Variants in YEATS4 observed in about 807,000 individuals in gnomAD.
YEATS4 encodes YEATS domain containing 4.
A neutral mutation model predicts 30.1 loss-of-function variants in YEATS4; 17 were observed. That is an observed-to-expected ratio of 0.56 (90% CI 0.39 to 0.85). YEATS4 has a LOEUF of 0.85. Ranked by LOEUF, YEATS4 falls within the 40% of genes least tolerant of loss-of-function variation. The pLI, the probability that YEATS4 is intolerant of heterozygous loss-of-function variation, is 0.00. For missense variants in YEATS4, 142 were observed against 268.3 expected (o/e 0.53, Z 3.29); for synonymous variants, 85 against 87.5 (o/e 0.97, Z 0.16).
chr12:69,369,803 T>A (rs1008077649), intron 4 of YEATS4, among the ~76,000 whole-genome samples: 2 of 152,222 alleles, frequency 1.3e-5, no homozygotes, highest in African/African-American at 4.8e-5. Flanking sequence ...TCTTAGTGCA[T>A]CATCTTGAGC....
At chr12:69,385,806 C>A (rs1276963335) in intron 6 of YEATS4, among the ~76,000 whole-genome samples, 2 of 152,196 alleles carry the variant, frequency 1.3e-5, no homozygotes, top group African/African-American at 4.8e-5. Flanking sequence ...CAAGCACTTT[C>A]CATTTCTTAA....
the YEATS4 span, among the ~76,000 whole-genome samples, chr12:69,400,284 G>A: frequency 6.6e-6 from 1 of 152,096 alleles, no homozygotes; most frequent in Non-Finnish European, 1.5e-5. Flanking sequence ...AAGTCATAGA[G>A]CTGAGACACA....
the YEATS4 span, among the ~76,000 whole-genome samples, chr12:69,420,561 C>T: frequency 6.6e-6 from 1 of 152,002 alleles, no homozygotes; most frequent in Non-Finnish European, 1.5e-5. Flanking sequence ...AATTTGGCAG[C>T]TCTTGACAAA....
chr12:69,372,899 T>C (rs1181762391), intron 6 of YEATS4, among the ~76,000 whole-genome samples: 2 of 152,186 alleles, frequency 1.3e-5, no homozygotes, highest in African/African-American at 4.8e-5. Context: ...TATCTTTCTG[T>C]GCCTGGCTTA....
intron 4 of YEATS4, among the ~76,000 whole-genome samples, chr12:69,369,102 CA>C (rs1463705369): frequency 6.6e-6 from 1 of 152,126 alleles, no homozygotes; most frequent in Non-Finnish European, 1.5e-5. Flanking sequence ...CAATTCAGCC[CA>C]TAACATCTTT....
intron 6 of YEATS4, 61 bp from the exon 7 acceptor site, chr12:69,390,086 C>T: frequency 7.5e-7 from 1 of 1,327,052 alleles, no homozygotes; most frequent in South Asian, 1.5e-5. Flanking sequence ...TATTTATTAC[C>T]CTGTCATATA....
chr12:69,381,379 C>T (rs1047194378), intron 6 of YEATS4, among the ~76,000 whole-genome samples: 3 of 152,216 alleles, frequency 2.0e-5, no homozygotes, highest in Admixed American at 6.5e-5. Context: ...CTCTCTTGTT[C>T]CTTGAACCAA....
At position 69,362,702 on chromosome 12, in the gene YEATS4, C is replaced by T. The variant is rs1592846624; in HGVS notation, c.52-86C>T. The T allele has an allele frequency of 3.8e-6, 4 of 1,060,394 alleles. No individual in the cohort carries two copies. In the East Asian group the frequency reaches 1.2e-4, roughly 33 times the overall value. The allele number at this position is 1,060,394 out of a possible 1,614,324, so 65.7% of individuals were successfully genotyped here. A position where few individuals can be genotyped will look rare whatever the true frequency, so the allele number is the denominator to read the frequency against. On this transcript the variant is annotated intron_variant, in intron 1 of 6. Transcript: ENST00000247843. The stretch of plus-strand genomic sequence containing the variant: ...AACTATAGATTGTTAGCCTGCCATT[C>T]TTTAAAGCAAGTTTTCAGAGCTCTT...
chr12:69,415,053 A>G, the YEATS4 span, among the ~76,000 whole-genome samples: 2 of 152,184 alleles, frequency 1.3e-5, no homozygotes, highest in Non-Finnish European at 1.5e-5. Context: ...ACACTAAGCA[A>G]TTCAAAAAGC....
At chr12:69,396,026 A>G in the YEATS4 span, among the ~76,000 whole-genome samples, 1 of 152,162 alleles carries the variant, frequency 6.6e-6, no homozygotes, top group Non-Finnish European at 1.5e-5. Flanking sequence ...AACCTTATGT[A>G]ATACGCCTCA....
chr12:69,395,604 TA>T (rs1393644102), downstream of YEATS4, among the ~76,000 whole-genome samples: 4 of 152,174 alleles, frequency 2.6e-5, no homozygotes, highest in Admixed American at 1.3e-4. Flanking sequence ...TTTAGCTTTT[TA>T]AAAAATAAGA....
At chr12:69,397,262 C>G in the YEATS4 span, among the ~76,000 whole-genome samples, 3 of 152,124 alleles carry the variant, frequency 2.0e-5, no homozygotes, top group Non-Finnish European at 4.4e-5. Flanking sequence ...AGCCCTAACC[C>G]CTAGTACCTC....
At chr12:69,420,374 A>C in the YEATS4 span, among the ~76,000 whole-genome samples, 121 of 150,852 alleles carry the variant, frequency 8.0e-4, no homozygotes, top group African/African-American at 2.7e-3. Flanking sequence ...ACTCCATCAC[A>C]GTTAATTAAT....
In YEATS4 at chr12:69,370,774, G is replaced by A. The variant is rs752004176; in HGVS notation, c.402G>A (p.Val134=). 6.3e-7 allele frequency: 1 copy of A among 1,599,382 alleles called. No individual in the cohort carries two copies. Among genetic ancestry groups the A allele is most frequent in the Non-Finnish European group, 8.5e-7 (1 of 1,175,596 alleles). Residue 134 remains valine (V), a synonymous_variant, in exon 5 of 7, where the codon GTG becomes GTA. Coordinates refer to ENST00000247843, the MANE Select transcript of YEATS4 (RefSeq NM_006530.4). ...ATGCAATGCTGGGGAAAAAGACAGTGGTTTCAGAGTTCTATGATGAAATGG... is the reference window on the plus strand; with the variant it reads ...ATGCAATGCTGGGGAAAAAGACAGTAGTTTCAGAGTTCTATGATGAAATGG... ...DTNAMLGKKT[V]VSEFYDEMIF... is the part of the protein sequence containing the mutation.
At chr12:69,366,057 T>C (rs1488926505) in intron 4 of YEATS4, among the ~76,000 whole-genome samples, 173 bp downstream of exon 4, 3 of 147,324 alleles carry the variant, frequency 2.0e-5, no homozygotes, top group East Asian at 3.9e-4. Flanking sequence ...TTCAAAATCC[T>C]TTTTTTTTTC....
chr12:69,402,264 T>C, the YEATS4 span, among the ~76,000 whole-genome samples: 1 of 152,232 alleles, frequency 6.6e-6, no homozygotes, highest in African/African-American at 2.4e-5. Flanking sequence ...TTCCAAGATA[T>C]CACAAATAAA....
intron 6 of YEATS4, among the ~76,000 whole-genome samples, chr12:69,375,011 C>T (rs537762606): frequency 1.4e-5 from 2 of 147,668 alleles, no homozygotes; most frequent in South Asian, 2.2e-4. Flanking sequence ...GGGGGCTGCC[C>T]CCACCTCCCG....
At chr12:69,386,364 A>G (rs1868251490) in intron 6 of YEATS4, among the ~76,000 whole-genome samples, 1 of 152,236 alleles carries the variant, frequency 6.6e-6, no homozygotes, top group Non-Finnish European at 1.5e-5. Context: ...GCTTACAGCT[A>G]TACAGGACTC....
chr12:69,370,833 T>A (rs1875610677), intron 5 of YEATS4, 35 bp downstream of exon 5: 2 of 1,597,374 alleles, frequency 1.3e-6, no homozygotes, highest in African/African-American at 2.7e-5. Context: ...TTTAAAAGCA[T>A]TTGAAGTTGG....
Sources: gnomAD v4.1 joint callset for allele counts (sites outside exome capture counted in the v4.1 genomes callset) on GRCh38, gnomAD v4.1.1 for gene constraint, MANE v1.5 for transcripts, NCBI Gene and HGNC (gene_info 2026-07-23, HGNC 2026-07-21) for gene names.